Variants in PLCG2 observed in about 807,000 individuals in gnomAD.
PLCG2 encodes 1-phosphatidylinositol 4,5-bisphosphate phosphodiesterase gamma-2.
A neutral mutation model predicts 175.6 loss-of-function variants in PLCG2; 69 were observed. The observed-to-expected ratio is 0.39, with a 90% CI of 0.32 to 0.48. The LOEUF is 0.48. Among genes scored for constraint, PLCG2 ranks in the 20% least tolerant of loss-of-function variants. The pLI is 0.91. For synonymous variants in PLCG2, 827 were observed against 624.0 expected (o/e 1.33, Z -4.85); for missense variants, 1,798 against 1,650.9 (o/e 1.09, Z -1.54).
In PLCG2 at chr16:81,753,765, T is replaced by G. The variant is rs187761456; in HGVS notation, c.-144-2105T>G. On this transcript the variant is annotated intron_variant, in intron 1 of 5. Transcript: ENST00000565054. ...AGGAGGTGACAGATGCCACAGCCAC[T>G]AATGCAGATGCCACAGCCATGACTG... Among the ~76,000 whole-genome samples, 94 of 152,292 alleles carry G rather than the reference T, an allele frequency of 6.2e-4. 1 individual carries two copies. The East Asian group carries it at 0.013, about 21-fold the overall frequency.
At chr16:81,846,268 C>A (rs767207208) in intron 2 of PLCG2, among the ~76,000 whole-genome samples, 17 of 152,144 alleles carry the variant, frequency 1.1e-4, no homozygotes, top group Non-Finnish European at 2.2e-4. Context: ...GGAGGACCTA[C>A]TTTTCCGGTG....
At chr16:81,921,136 A>T in intron 20 of PLCG2, 62 bp from the exon 21 acceptor site, 2 of 998,726 alleles carry the variant, frequency 2.0e-6, no homozygotes, top group Non-Finnish European at 3.2e-6. Context: ...AACCCTTGTT[A>T]TATGTAAGGG....
At chr16:81,812,722 G>T (rs535492922) in intron 2 of PLCG2, among the ~76,000 whole-genome samples, 1 of 152,170 alleles carries the variant, frequency 6.6e-6, no homozygotes, top group East Asian at 1.9e-4. Flanking sequence ...CATTGCTTTT[G>T]GTGTTTTAGT....
intron 2 of PLCG2, among the ~76,000 whole-genome samples, chr16:81,853,992 G>C (rs1567499586): frequency 6.6e-6 from 1 of 152,070 alleles, no homozygotes; most frequent in Non-Finnish European, 1.5e-5. Context: ...AGCATTTGTA[G>C]CTTTTGGGAC....
At position 81,961,285 on chromosome 16, in the gene PLCG2, T is replaced by C. The variant is rs569789856; in HGVS notation, c.*3287T>C. 3 of 225,742 alleles carry C rather than the reference T, an allele frequency of 1.3e-5. No homozygotes were observed. In the Admixed American group the frequency reaches 1.7e-4, roughly 13 times the overall value. The allele number at this position is 225,742 out of a possible 1,614,324, so 14.0% of individuals were successfully genotyped here. ...TGAAATTGAAAACGGAAAATAGAAT[T>C]GATGATGAACTTTGGCTCAATCTTA... On this transcript the variant is annotated 3_prime_UTR_variant, in exon 33 of 33. Transcript: ENST00000564138.
chr16:81,852,996 T>C (rs1906495075), intron 2 of PLCG2, among the ~76,000 whole-genome samples: 1 of 152,080 alleles, frequency 6.6e-6, no homozygotes, highest in South Asian at 2.1e-4. Context: ...GAGGCTGGCT[T>C]CCCCCAGAGC....
At chr16:81,952,109 A>G (rs1911389785) in intron 31 of PLCG2, among the ~76,000 whole-genome samples, 1 of 152,168 alleles carries the variant, frequency 6.6e-6, no homozygotes, top group South Asian at 2.1e-4. Context: ...GGAGTAATTT[A>G]AATAAAGGTA....
chr16:81,897,030 T>C (rs767775357), intron 13 of PLCG2, among the ~76,000 whole-genome samples: 12 of 152,374 alleles, frequency 7.9e-5, no homozygotes, highest in Admixed American at 1.3e-4. Flanking sequence ...CTGTGGTCTC[T>C]GTTGCAACTA....
At chr16:81,905,047 C>G (rs2143642095) in intron 14 of PLCG2, among the ~76,000 whole-genome samples, 1 of 152,284 alleles carries the variant, frequency 6.6e-6, no homozygotes, top group African/African-American at 2.4e-5. Context: ...GCCACCATGC[C>G]CGGCTAATTT....
intron 30 of PLCG2, 82 bp downstream of exon 30, chr16:81,940,141 A>C (rs1910879685): frequency 5.5e-6 from 7 of 1,267,226 alleles, no homozygotes; most frequent in Non-Finnish European, 7.9e-6. Flanking sequence ...AAGAATGAAA[A>C]ATGATTTTTC....
chr16:81,908,650 G>C (rs1361089546), intron 17 of PLCG2, 59 bp downstream of exon 17: 1 of 1,458,572 alleles, frequency 6.9e-7, no homozygotes, highest in Middle Eastern at 2.5e-4. Context: ...GATGAGGCAG[G>C]GTGGCGAGTG....
chr16:81,790,453 G>T (rs1911180030), intron 2 of PLCG2, among the ~76,000 whole-genome samples: 2 of 152,180 alleles, frequency 1.3e-5, no homozygotes, highest in Admixed American at 6.5e-5. Context: ...GAGAGAGCAG[G>T]CCTTCAGGCC....
intron 7 of PLCG2, among the ~76,000 whole-genome samples, chr16:81,875,174 G>A (rs1174015052): frequency 1.3e-5 from 2 of 151,900 alleles, no homozygotes; most frequent in African/African-American, 4.8e-5. Flanking sequence ...GTGTTGGCCA[G>A]GCTAGTCTCG....
intron 2 of PLCG2, among the ~76,000 whole-genome samples, chr16:81,799,336 C>G (rs1309110011): frequency 6.6e-6 from 1 of 152,192 alleles, no homozygotes; most frequent in Non-Finnish European, 1.5e-5. Flanking sequence ...ACATGCGACC[C>G]TTTTGTAATG....
rs997948867 is a variant in PLCG2 at position 81,960,259 on chromosome 16, T to C, written c.*2261T>C. ...AAAGGCACACATGGTATGATGGCTC[T>C]TCCCAGAGTCTATGTGATGCTACAT... On this transcript the variant is annotated 3_prime_UTR_variant, in exon 33 of 33. Coordinates refer to ENST00000564138, the MANE Select transcript of PLCG2 (RefSeq NM_002661.5). 1 of 220,976 alleles carries C rather than the reference T, an allele frequency of 4.5e-6. No homozygotes were observed. Among genetic ancestry groups the C allele is most frequent in the African/African-American group, 2.2e-5 (1 of 44,784 alleles). 13.7% of individuals were successfully genotyped at this position (220,976 alleles called of 1,614,324 possible).
intron 9 of PLCG2, among the ~76,000 whole-genome samples, chr16:81,888,347 A>T (rs1158586183): frequency 6.6e-6 from 1 of 152,006 alleles, no homozygotes; most frequent in Non-Finnish European, 1.5e-5. Flanking sequence ...AGTAGCTGGG[A>T]TTACAGGCAC....
intron 1 of PLCG2, chr16:81,785,737 G>A (rs950190755): frequency 7.6e-6 from 3 of 392,960 alleles, no homozygotes. Flanking sequence ...GAGGTCAGGG[G>A]CTCTTCTCAC....
intron 2 of PLCG2, among the ~76,000 whole-genome samples, chr16:81,819,461 G>A (rs769160855): frequency 2.6e-5 from 4 of 152,192 alleles, no homozygotes; most frequent in African/African-American, 4.8e-5. Context: ...GGAAGCCTGA[G>A]GCTTAGCTGG....
chr16:81,878,944 C>T (rs928695188), intron 7 of PLCG2, among the ~76,000 whole-genome samples: 8 of 152,068 alleles, frequency 5.3e-5, no homozygotes, highest in Middle Eastern at 3.2e-3. Flanking sequence ...AATGAGCTTC[C>T]GGTTGCTTCA....
Sources: gnomAD v4.1 joint callset for allele counts (sites outside exome capture counted in the v4.1 genomes callset) on GRCh38, gnomAD v4.1.1 for gene constraint, MANE v1.5 for transcripts, NCBI Gene and HGNC (gene_info 2026-07-23, HGNC 2026-07-21) for gene names.